The following WSCD2 variants were observed in gnomAD, a reference collection of about 807,000 sequenced individuals.
WSCD2 encodes WSC domain sialate O sulfotransferase 2.
Under a neutral mutation model 55.7 loss-of-function variants are expected in WSCD2, and 28 were observed. That is an observed-to-expected ratio of 0.50 (90% confidence interval 0.37 to 0.69). The LOEUF is 0.69. Ranked by LOEUF, WSCD2 falls within the 30% of genes least tolerant of loss-of-function variation. The pLI is 0.00. For synonymous variants in WSCD2, 301 were observed against 301.9 expected (o/e 1.00, Z 0.03); for missense variants, 616 against 762.1 (o/e 0.81, Z 2.26).
chr12:108,170,008 C>T (rs1033938941), intron 1 of WSCD2, among the ~76,000 whole-genome samples: 1 of 152,180 alleles, frequency 6.6e-6, no homozygotes, highest in Non-Finnish European at 1.5e-5. Flanking sequence ...CCAAAGCCTT[C>T]TTGTACTGGG....
At chr12:108,212,507 C>A (rs552646788) in intron 4 of WSCD2, among the ~76,000 whole-genome samples, 2 of 152,094 alleles carry the variant, frequency 1.3e-5, no homozygotes, top group East Asian at 3.9e-4. Context: ...CCTCTCTCCC[C>A]TCTCTCCTTC....
chr12:108,220,215 T>G (rs891653638), intron 4 of WSCD2, among the ~76,000 whole-genome samples: 1 of 152,248 alleles, frequency 6.6e-6, no homozygotes, highest in Non-Finnish European at 1.5e-5. Flanking sequence ...CTGTTTTCTC[T>G]TCTTTATAAT....
chr12:108,208,225 T>C (rs1048830268), intron 3 of WSCD2, among the ~76,000 whole-genome samples: 2 of 152,124 alleles, frequency 1.3e-5, no homozygotes, highest in African/African-American at 4.8e-5. Flanking sequence ...ACAATAGGCT[T>C]GGGCAATAGA....
intron 1 of WSCD2, among the ~76,000 whole-genome samples, chr12:108,157,190 T>C (rs1489027498): frequency 6.6e-6 from 1 of 152,238 alleles, no homozygotes; most frequent in Non-Finnish European, 1.5e-5. Flanking sequence ...CAGTGTTCAG[T>C]TTACAGAAAA....
intron 1 of WSCD2, among the ~76,000 whole-genome samples, chr12:108,150,598 G>A (rs562538180): frequency 1.3e-5 from 2 of 152,236 alleles, no homozygotes; most frequent in East Asian, 1.9e-4. Context: ...ATGCCTGGCC[G>A]GAGCACAGAA....
intron 3 of WSCD2, among the ~76,000 whole-genome samples, chr12:108,207,864 G>T (rs921692028): frequency 6.6e-6 from 1 of 152,102 alleles, no homozygotes; most frequent in Non-Finnish European, 1.5e-5. Flanking sequence ...GGAAACAGAG[G>T]TGCATTCTAC....
chr12:108,230,117 C>CATATTTT (rs1888586096), intron 6 of WSCD2, among the ~76,000 whole-genome samples: 1 of 152,152 alleles, frequency 6.6e-6, no homozygotes, highest in African/African-American at 2.4e-5. Flanking sequence ...TCTGAAGTAA[C>CATATTTT]ACTTCCATAG....
In WSCD2 at chr12:108,210,054, T is replaced by C. The variant is rs2137100642; in HGVS notation, c.498-67T>C. 6 of 1,594,862 alleles carry C rather than the reference T, an allele frequency of 3.8e-6. No individual in the cohort carries two copies. Among genetic ancestry groups the C allele is most frequent in the Non-Finnish European group, 5.2e-6 (6 of 1,164,910 alleles). ...AGCCCTCCCATCCCCCAGGTCTCCA[T>C]GTTGTGTCTCCCTGCCTCGGGGTCT... On this transcript the variant is annotated intron_variant, in intron 3 of 8. Coordinates refer to ENST00000547525, the MANE Select transcript of WSCD2 (RefSeq NM_014653.4). The surrounding 1 kb of genome is among the most constrained non-coding windows in gnomAD (Gnocchi z 4.3).
At chr12:108,245,239 C>CT (rs76263267) in intron 8 of WSCD2, among the ~76,000 whole-genome samples, 34,318 of 152,062 alleles carry the variant, frequency 0.23, 4,763 homozygotes, top group East Asian at 0.41. Flanking sequence ...GGGCAAGTTG[C>CT]TCCTGCTTCT....
At chr12:108,207,533 C>G (rs1225260620) in intron 3 of WSCD2, among the ~76,000 whole-genome samples, 1 of 53,626 alleles carries the variant, frequency 1.9e-5, no homozygotes, top group African/African-American at 8.6e-5. Context: ...CCATGCCTGG[C>G]TTTTTTTTTT....
At position 108,248,980 on chromosome 12, in the gene WSCD2, G is replaced by A. The variant is rs1890277631; in HGVS notation, c.*637G>A. On this transcript the variant is annotated 3_prime_UTR_variant, in exon 9 of 9. Transcript: ENST00000547525. The surrounding 1 kb of genome is among the most constrained non-coding windows in gnomAD (Gnocchi z 4.3). The stretch of plus-strand genomic sequence containing the variant: ...CACCATGTGGGGCCATTGGTGTTAT[G>A]AGCCCCCCAGGCCACACTGCTTCTC... The A allele has an allele frequency of 1.1e-6, 1 of 923,818 alleles. No homozygotes were observed. The highest frequency in any genetic ancestry group is 1.3e-6 in the Non-Finnish European group (1 of 773,346). The allele number at this position is 923,818 out of a possible 1,614,324, so 57.2% of individuals were successfully genotyped here.
In WSCD2 at chr12:108,210,425, C is replaced by A. The variant is rs1193742455; in HGVS notation, c.682+120C>A. The A allele has an allele frequency of 7.5e-6, 10 of 1,326,294 alleles. No individual in the cohort carries two copies. Among genetic ancestry groups the A allele is most frequent in the Non-Finnish European group, 1.0e-5 (10 of 988,276 alleles). The allele number at this position is 1,326,294 out of a possible 1,614,324, so 82.2% of individuals were successfully genotyped here. Reference sequence around the variant, plus strand: ...TGGCTCCCCATCACTCCAAGGCCACCACCGTCCTGCCCCTGCCTCACCTCT... The same window carrying A: ...TGGCTCCCCATCACTCCAAGGCCACAACCGTCCTGCCCCTGCCTCACCTCT... On this transcript the variant is annotated intron_variant, in intron 4 of 8. Coordinates refer to ENST00000547525, the MANE Select transcript of WSCD2 (RefSeq NM_014653.4). The surrounding 1 kb of genome is among the most constrained non-coding windows in gnomAD (Gnocchi z 4.3).
intron 2 of WSCD2, among the ~76,000 whole-genome samples, chr12:108,201,760 T>C (rs953826): frequency 0.17 from 25,263 of 152,144 alleles, 2,176 homozygotes; most frequent in Middle Eastern, 0.18. Flanking sequence ...TAGTTCATGT[T>C]TAGCTACCCT....
chr12:108,150,558 G>A (rs544201135), intron 1 of WSCD2, among the ~76,000 whole-genome samples: 16 of 152,244 alleles, frequency 1.1e-4, no homozygotes, highest in African/African-American at 3.9e-4. Flanking sequence ...CCCTACAGAG[G>A]GTGGAGTTGG....
At chr12:108,193,008 G>A (rs766111733) in intron 1 of WSCD2, among the ~76,000 whole-genome samples, 14 of 151,978 alleles carry the variant, frequency 9.2e-5, no homozygotes, top group Admixed American at 2.0e-4. Flanking sequence ...ATAGACATAC[G>A]GTTAGGAATA....
chr12:108,142,509 T>C (rs1188133216), intron 1 of WSCD2, among the ~76,000 whole-genome samples: 45 of 152,256 alleles, frequency 3.0e-4, no homozygotes, highest in Admixed American at 2.9e-3. Context: ...TTCACAGTTG[T>C]GTGGCCTTGG....
In WSCD2 at chr12:108,227,080, C is replaced by T; in HGVS notation, c.895C>T (p.Leu299Phe). ...GCTCCATGACAGAGAGGATGAGCAG[C>T]TCTGTGCCCAGAAGTGCAGCGCGGA... ...FPLHDREDEQ[L>F]CAQKCSAEEF... The change falls in exon 6 of 9, where the codon CTC becomes TTC. Residue 299 changes from leucine to phenylalanine, a missense_variant. This residue lies in a region of WSCD2 where 374 missense variants were observed against 467.4 expected (regional missense o/e 0.80). Coordinates refer to ENST00000547525, the MANE Select transcript of WSCD2 (RefSeq NM_014653.4). 1.9e-6 allele frequency: 3 copies of T among 1,614,252 alleles called. No homozygotes were observed. Among genetic ancestry groups the T allele is most frequent in the Non-Finnish European group, 1.7e-6 (2 of 1,180,038 alleles).
chr12:108,143,191 A>G (rs338169), intron 1 of WSCD2, among the ~76,000 whole-genome samples: 127,639 of 152,176 alleles, frequency 0.84, 53,628 homozygotes, highest in East Asian at 0.91. Flanking sequence ...ATCTTCTTCT[A>G]AACACAAATA....
At chr12:108,151,333 C>T (rs543254126) in intron 1 of WSCD2, among the ~76,000 whole-genome samples, 1 of 152,238 alleles carries the variant, frequency 6.6e-6, no homozygotes, top group African/African-American at 2.4e-5. Flanking sequence ...AAAAATGTCT[C>T]CAGACATTGA....
Sources: gnomAD v4.1 joint callset for allele counts (sites outside exome capture counted in the v4.1 genomes callset) on GRCh38, gnomAD v4.1.1 for gene constraint, gnomAD v4.1.1 regional missense constraint, Gnocchi (gnomAD v3.1) non-coding constraint, MANE v1.5 for transcripts, NCBI Gene and HGNC (gene_info 2026-07-23, HGNC 2026-07-21) for gene names.